The following DOCK3 variants were observed in gnomAD, a reference collection of about 807,000 sequenced individuals.
DOCK3 encodes the protein dedicator of cytokinesis protein 3.
A neutral mutation model predicts 265.6 loss-of-function variants in DOCK3; 60 were observed. The ratio of observed to expected loss-of-function variants is 0.23; its 90% CI spans 0.18 to 0.28. The LOEUF (loss-of-function observed/expected upper bound fraction) is 0.28. Ranked by LOEUF, DOCK3 falls within the 10% of genes least tolerant of loss-of-function variation. The pLI is 1.00. For missense variants in DOCK3, 1,981 were observed against 2,594.3 expected (o/e 0.76, Z 5.14); for synonymous variants, 881 against 938.0 (o/e 0.94, Z 1.11).
intron 2 of DOCK3, among the ~76,000 whole-genome samples, chr3:50,836,655 C>T (rs771916571): frequency 6.6e-6 from 1 of 152,116 alleles, no homozygotes; most frequent in Non-Finnish European, 1.5e-5. Context: ...TCTGACATGC[C>T]CCAGAGACAC....
At chr3:51,016,565 A>ATT (rs1559944265) in intron 5 of DOCK3, among the ~76,000 whole-genome samples, 1 of 83,118 alleles carries the variant, frequency 1.2e-5, no homozygotes, top group African/African-American at 5.3e-5. Flanking sequence ...ATCATATATT[A>ATT]TATATATATT....
chr3:50,799,991 A>G (rs569350282), intron 2 of DOCK3, among the ~76,000 whole-genome samples: 3 of 152,234 alleles, frequency 2.0e-5, no homozygotes, highest in East Asian at 1.9e-4. Context: ...GATATGATGT[A>G]TGATGTTTGT....
chr3:51,046,954 C>G (rs1480399994), intron 5 of DOCK3, among the ~76,000 whole-genome samples: 1 of 151,824 alleles, frequency 6.6e-6, no homozygotes, highest in African/African-American at 2.4e-5. Context: ...GGTCAAAGAG[C>G]AAATTAAAAG....
chr3:50,888,066 A>G (rs984101964), intron 3 of DOCK3, among the ~76,000 whole-genome samples: 1 of 152,162 alleles, frequency 6.6e-6, no homozygotes, highest in Non-Finnish European at 1.5e-5. Context: ...GAGGAAGTCA[A>G]ATTGTCCCTG....
At chr3:51,164,844 G>T (rs1160077076) in intron 12 of DOCK3, among the ~76,000 whole-genome samples, 1 of 151,814 alleles carries the variant, frequency 6.6e-6, no homozygotes, top group Non-Finnish European at 1.5e-5. Context: ...TAGACACTAG[G>T]CCTATTCAGG....
chr3:51,185,379 T>A (rs1287944557), intron 12 of DOCK3, among the ~76,000 whole-genome samples: 1 of 152,176 alleles, frequency 6.6e-6, no homozygotes, highest in Admixed American at 6.5e-5. Context: ...GAAAAGAATG[T>A]CCAACATTCT....
intron 2 of DOCK3, among the ~76,000 whole-genome samples, chr3:50,814,037 A>G (rs1456959153): frequency 1.3e-5 from 2 of 152,110 alleles, no homozygotes; most frequent in Non-Finnish European, 2.9e-5. Context: ...TGGAGTGGGT[A>G]CCTGGCCTTA....
At chr3:51,041,614 G>GA (rs2080536297) in intron 5 of DOCK3, among the ~76,000 whole-genome samples, 1 of 152,090 alleles carries the variant, frequency 6.6e-6, no homozygotes, top group Non-Finnish European at 1.5e-5. Context: ...ATGAAAACAT[G>GA]AATCTCCTTG....
At chr3:50,676,298 A>ATGC (rs1420308661) in intron 1 of DOCK3, among the ~76,000 whole-genome samples, 5 of 152,244 alleles carry the variant, frequency 3.3e-5, no homozygotes, top group Non-Finnish European at 5.9e-5. Flanking sequence ...ATGTTTTGGA[A>ATGC]TGCTATCAGG....
chr3:51,136,090 C>G (rs573338869), intron 9 of DOCK3, among the ~76,000 whole-genome samples: 28 of 152,294 alleles, frequency 1.8e-4, no homozygotes, highest in African/African-American at 6.3e-4. Context: ...ACTTTGCACT[C>G]TCTCCTCCTG....
intron 3 of DOCK3, among the ~76,000 whole-genome samples, chr3:50,867,542 T>TA (rs1376400353): frequency 6.6e-6 from 1 of 152,240 alleles, no homozygotes; most frequent in Admixed American, 6.5e-5. Flanking sequence ...CATTCAGTAT[T>TA]ATACTAGCTG....
chr3:51,380,994 G>A, intron 52 of DOCK3, 56 bp from the exon 53 acceptor site: 4 of 1,525,248 alleles, frequency 2.6e-6, no homozygotes, highest in Non-Finnish European at 3.5e-6. Context: ...CCTATGGCGG[G>A]CAAGTCAGCC....
chr3:51,327,025 C>G (rs2084174463), intron 32 of DOCK3, among the ~76,000 whole-genome samples: 2 of 152,106 alleles, frequency 1.3e-5, no homozygotes, highest in Admixed American at 1.3e-4. Flanking sequence ...CCTGTAATCA[C>G]TGGATCAAAG....
chr3:51,046,167 G>C (rs2080770283), intron 5 of DOCK3, among the ~76,000 whole-genome samples: 1 of 152,102 alleles, frequency 6.6e-6, no homozygotes, highest in Non-Finnish European at 1.5e-5. Context: ...AAGGAAGAGA[G>C]GAGGAGGGGA....
intron 2 of DOCK3, among the ~76,000 whole-genome samples, chr3:50,783,430 T>G (rs2042027584): frequency 6.6e-6 from 1 of 152,178 alleles, no homozygotes; most frequent in Non-Finnish European, 1.5e-5. Context: ...TGATTAATGA[T>G]GTTTAGCATT....
At chr3:51,097,132 G>A (rs986539385) in intron 9 of DOCK3, among the ~76,000 whole-genome samples, 2 of 152,212 alleles carry the variant, frequency 1.3e-5, no homozygotes, top group African/African-American at 4.8e-5. Context: ...GAGCTCAAGC[G>A]CTGTGTTGGG....
intron 5 of DOCK3, among the ~76,000 whole-genome samples, chr3:50,971,554 C>CT (rs750560931): frequency 4.8e-4 from 73 of 152,302 alleles, no homozygotes; most frequent in Non-Finnish European, 9.6e-4. Context: ...TCTCAGGAAA[C>CT]TAACCTTGTT....
chr3:51,091,533 A>G (rs997089321), intron 9 of DOCK3, among the ~76,000 whole-genome samples: 7 of 152,036 alleles, frequency 4.6e-5, no homozygotes, highest in Non-Finnish European at 1.0e-4. Flanking sequence ...AATACAAAAA[A>G]TTAGCTGGGC....
intron 5 of DOCK3, among the ~76,000 whole-genome samples, chr3:51,018,660 TG>T (rs1278149627): frequency 1.3e-5 from 2 of 151,832 alleles, no homozygotes; most frequent in African/African-American, 4.9e-5. Context: ...ACTTTATACA[TG>T]TAGTCAGAAG....
Sources: allele counts gnomAD v4.1 joint callset (sites outside exome capture counted in the v4.1 genomes callset), GRCh38; gene constraint gnomAD v4.1.1; transcripts MANE v1.5; gene names NCBI Gene and HGNC (gene_info 2026-07-23, HGNC 2026-07-21).